Variants in ACYP2 observed in about 807,000 individuals in gnomAD.
The protein encoded by ACYP2 is acylphosphatase 2, also known as acylphosphatase-2.
In ACYP2, 12 loss-of-function variants were observed where a neutral mutation model predicts 11.2. That is an observed-to-expected ratio of 1.08 (90% CI 0.69 to 1.74). The LOEUF (loss-of-function observed/expected upper bound fraction) is 1.74. ACYP2 is among the 40% of genes most tolerant of loss of function. The pLI is 0.00. For synonymous variants in ACYP2, 43 were observed against 32.2 expected, an observed-to-expected ratio of 1.33 and a Z score of -1.13; for missense variants, 134 against 101.9, an observed-to-expected ratio of 1.31 and a Z score of -1.35.
chr2:54,249,940 CAAAAAAAAAAAAA>C (rs1015312135), intron 6 of ACYP2, among the ~76,000 whole-genome samples: 6 of 44,464 alleles, frequency 1.3e-4, no homozygotes, highest in East Asian at 1.6e-3. Context: ...GACCCTGTCT[CAAAAAAAAAAAAA>C]AAAAAAAAAA....
intron 6 of ACYP2, among the ~76,000 whole-genome samples, chr2:54,243,429 T>C (rs1248980057): frequency 2.0e-5 from 3 of 152,208 alleles, no homozygotes; most frequent in African/African-American, 4.8e-5. Context: ...AGTGAAAATA[T>C]GGTATTATAA....
chr2:54,204,363 G>A (rs1348945098), intron 6 of ACYP2, among the ~76,000 whole-genome samples: 2 of 147,376 alleles, frequency 1.4e-5, no homozygotes, highest in African/African-American at 5.0e-5. Context: ...TGTATTTTAT[G>A]TGTGGCCCAA....
chr2:54,277,401 C>T (rs529724551), intron 6 of ACYP2, among the ~76,000 whole-genome samples: 6 of 152,152 alleles, frequency 3.9e-5, no homozygotes, highest in East Asian at 3.9e-4. Context: ...TAAAATGGGC[C>T]GGGTGCAGTG....
chr2:54,072,365 G>C lies in ACYP2; in HGVS notation c.277+15005G>C, dbSNP rs201235271. 2.0e-5 allele frequency among the ~76,000 whole-genome samples: 3 copies of C among 147,948 alleles called. No individual in the cohort carries two copies. The East Asian group carries it at 5.8e-4, about 29-fold the overall frequency. On this transcript the variant is annotated intron_variant, in intron 4 of 6. Coordinates refer to ENST00000607452, the MANE Select transcript of ACYP2 (RefSeq NM_001320586.2). ...TCTATACCCAGGCTGGAGTGCAGTGGCATAATCACAGTTCACTGCAGTCTT... is the reference window on the plus strand; with the variant it reads ...TCTATACCCAGGCTGGAGTGCAGTGCCATAATCACAGTTCACTGCAGTCTT...
intron 6 of ACYP2, among the ~76,000 whole-genome samples, chr2:54,300,673 C>T (rs1486025140): frequency 6.6e-6 from 1 of 152,228 alleles, no homozygotes; most frequent in East Asian, 1.9e-4. Flanking sequence ...TAATTAACTT[C>T]CTGCATGCTA....
At chr2:54,275,827 T>C (rs1688537525) in intron 6 of ACYP2, among the ~76,000 whole-genome samples, 1 of 152,228 alleles carries the variant, frequency 6.6e-6, no homozygotes, top group African/African-American at 2.4e-5. Flanking sequence ...TAATGGACTA[T>C]TTGATAAGGG....
intron 6 of ACYP2, among the ~76,000 whole-genome samples, chr2:54,145,048 T>C (rs1310072972): frequency 2.0e-5 from 3 of 152,156 alleles, no homozygotes; most frequent in African/African-American, 7.2e-5. Flanking sequence ...TAGTAATTGT[T>C]CCTTCCTTGC....
intron 6 of ACYP2, among the ~76,000 whole-genome samples, chr2:54,154,699 A>G (rs960637562): frequency 3.9e-5 from 6 of 152,268 alleles, no homozygotes; most frequent in African/African-American, 1.4e-4. Context: ...GGATTTTTGC[A>G]TCTATGTTCA....
intron 6 of ACYP2, among the ~76,000 whole-genome samples, chr2:54,278,474 T>A (rs1291279635): frequency 6.6e-6 from 1 of 152,234 alleles, no homozygotes. Flanking sequence ...ATAGATTTTA[T>A]CTGGCATGGT....
At chr2:54,259,851 G>C (rs970184255) in intron 6 of ACYP2, among the ~76,000 whole-genome samples, 5 of 152,196 alleles carry the variant, frequency 3.3e-5, no homozygotes, top group African/African-American at 1.2e-4. Flanking sequence ...AAGCGAAAAA[G>C]TGAAAACAGC....
chr2:54,304,782 A>C lies in ACYP2; in HGVS notation c.499A>C (p.Asn167His). 1 of 1,604,276 alleles carries C rather than the reference A, an allele frequency of 6.2e-7. No homozygotes were observed. Among genetic ancestry groups the C allele is most frequent in the Non-Finnish European group, 8.5e-7 (1 of 1,173,234 alleles). The change falls in exon 7 of 7, where the codon AAT (asparagine) becomes CAT (histidine). Residue 167 changes from asparagine (N) to histidine (H), a missense_variant. Physicochemically the swap from Asn to His is moderately conservative, Grantham distance 68 (BLOSUM62 1). Coordinates refer to ENST00000607452, the MANE Select transcript of ACYP2 (RefSeq NM_001320586.2). ...AACCATCTCTAAGCTTGAATACTCTAATTTTAGTATTAGATACTAATAGAA... is the reference window on the plus strand; with the variant it reads ...AACCATCTCTAAGCTTGAATACTCTCATTTTAGTATTAGATACTAATAGAA...
In ACYP2 at chr2:54,163,596, C is replaced by T. The variant is rs192316898; in HGVS notation, c.404+24848C>T. Among the ~76,000 whole-genome samples the T allele has an allele frequency of 6.6e-3, 1,003 of 152,144 alleles. 17 individuals carry two copies. Among genetic ancestry groups the T allele is most frequent in the African/African-American group, 0.022 (927 of 41,530 alleles). ...TCGGCTGGGGGCGGTGGCTCACGCCCGTAATCCCAGCACTTTGGGAGGCCT... is the reference window on the plus strand; with the variant it reads ...TCGGCTGGGGGCGGTGGCTCACGCCTGTAATCCCAGCACTTTGGGAGGCCT... On this transcript the variant is annotated intron_variant, in intron 6 of 6. Coordinates refer to ENST00000607452, the MANE Select transcript of ACYP2 (RefSeq NM_001320586.2).
rs565680331 is a variant in ACYP2 at position 54,082,139 on chromosome 2, A to G, written c.277+24779A>G. 2.3e-3 allele frequency among the ~76,000 whole-genome samples: 349 copies of G among 152,306 alleles called. 2 individuals carry two copies. The highest frequency in any genetic ancestry group is 3.9e-3 in the Non-Finnish European group (267 of 68,016). On this transcript the variant is annotated intron_variant, in intron 4 of 6. Transcript: ENST00000607452. ...TCACAGTAATTAGGAGAAGGGATGC[A>G]ATATTAAGGATCTCTAATGATGCAG...
intron 6 of ACYP2, among the ~76,000 whole-genome samples, chr2:54,279,383 C>T (rs566628297): frequency 3.2e-4 from 49 of 152,284 alleles, no homozygotes; most frequent in Middle Eastern, 3.4e-3. Flanking sequence ...CCACATATAC[C>T]GAGGCTATAT....
chr2:54,036,922 CTGCTT>C (rs1460290364), intron 2 of ACYP2, among the ~76,000 whole-genome samples: 2 of 152,134 alleles, frequency 1.3e-5, no homozygotes, highest in African/African-American at 4.8e-5. Flanking sequence ...GATGCCTTGA[CTGCTT>C]CATGGTCAGG....
At chr2:54,259,841 A>G (rs1687705575) in intron 6 of ACYP2, among the ~76,000 whole-genome samples, 1 of 152,222 alleles carries the variant, frequency 6.6e-6, no homozygotes, top group Admixed American at 6.5e-5. Flanking sequence ...AGAAAACAGG[A>G]AGCGAAAAAG....
chr2:54,201,425 T>C (rs542492069), intron 6 of ACYP2, among the ~76,000 whole-genome samples: 52 of 152,074 alleles, frequency 3.4e-4, no homozygotes, highest in African/African-American at 1.1e-3. Context: ...GTTTTAATTG[T>C]CGAATAGTAA....
At chr2:54,257,365 C>A (rs959631472) in intron 6 of ACYP2, among the ~76,000 whole-genome samples, 3 of 152,134 alleles carry the variant, frequency 2.0e-5, no homozygotes, top group Non-Finnish European at 1.5e-5. Flanking sequence ...ATTGAAAAGA[C>A]AATTCTTTCC....
chr2:54,051,764 G>T, intron 3 of ACYP2: 1 of 514,698 alleles, frequency 1.9e-6, no homozygotes, highest in Non-Finnish European at 3.6e-6. Context: ...AAGGAAGAGT[G>T]CCAGGCTCAG....
Sources: gnomAD v4.1 joint callset for allele counts (sites outside exome capture counted in the v4.1 genomes callset) on GRCh38, gnomAD v4.1.1 for gene constraint, MANE v1.5 for transcripts, NCBI Gene and HGNC (gene_info 2026-07-23, HGNC 2026-07-21) for gene names.